ZBTB20: variants seen among roughly 807,000 people sequenced by gnomAD.
The protein encoded by ZBTB20 is zinc finger and BTB domain containing 20.
Under a neutral mutation model 56.9 loss-of-function variants are expected in ZBTB20, and 9 were observed. The observed-to-expected ratio is 0.16, with a 90% CI of 0.10 to 0.28. The LOEUF (loss-of-function observed/expected upper bound fraction) is 0.28. ZBTB20 is among the 10% of genes least tolerant of loss of function. ZBTB20 has a pLI of 1.00. For synonymous variants in ZBTB20, 417 were observed against 420.7 expected (o/e 0.99, Z 0.11); for missense variants, 655 against 1,003.0 (o/e 0.65, Z 4.69).
In ZBTB20 at chr3:115,054,964, T is replaced by A. The variant is rs577793040; in HGVS notation, c.-507+16255A>T. ...TAATCCATGTAGAAGGTCTTCAACC[T>A]CAGGTCTGAGTTCTTATAGAAATCA... On this transcript the variant is annotated intron_variant, in intron 2 of 11. Transcript: ENST00000675478. Among the ~76,000 whole-genome samples the A allele has an allele frequency of 3.9e-5, 6 of 152,226 alleles. No individual in the cohort carries two copies. The South Asian group carries it at 1.2e-3, about 32-fold the overall frequency.
At chr3:114,689,612 C>T (rs2062576089) in intron 6 of ZBTB20, among the ~76,000 whole-genome samples, 1 of 150,330 alleles carries the variant, frequency 6.7e-6, no homozygotes. Flanking sequence ...CGTACATACA[C>T]CAAGAAGCAA....
At chr3:115,123,284 C>T (rs941891772) in intron 1 of ZBTB20, among the ~76,000 whole-genome samples, 2 of 152,090 alleles carry the variant, frequency 1.3e-5, no homozygotes, top group Non-Finnish European at 2.9e-5. Flanking sequence ...TTCCCTATAC[C>T]ATTTTCCCTT....
chr3:114,617,283 T>C (rs1318549883), intron 6 of ZBTB20, among the ~76,000 whole-genome samples: 2 of 152,334 alleles, frequency 1.3e-5, no homozygotes, highest in Middle Eastern at 3.4e-3. Context: ...ACATAAGTGA[T>C]AGTGTTCCCC....
intron 6 of ZBTB20, among the ~76,000 whole-genome samples, chr3:114,644,161 T>G (rs2059710624): frequency 6.6e-6 from 1 of 151,932 alleles, no homozygotes; most frequent in African/African-American, 2.4e-5. Context: ...AGATTAAAAA[T>G]GAGAAATTTT....
chr3:114,845,006 G>C lies in ZBTB20; in HGVS notation c.-416-43832C>G, dbSNP rs187542365. 4.0e-3 allele frequency among the ~76,000 whole-genome samples: 606 copies of C among 151,602 alleles called. 3 individuals are homozygous for C. The highest frequency in any genetic ancestry group is 0.014 in the African/African-American group (572 of 41,364). ...TATTCTTTGCAAATATTTTCTTACA[G>C]TCTGTGGCTTACCTTTTCATTTTCT... On this transcript the variant is annotated intron_variant, in intron 4 of 11. Transcript: ENST00000675478.
At chr3:114,520,261 C>T (rs1234762575) in intron 6 of ZBTB20, 2 of 152,006 alleles carry the variant, frequency 1.3e-5, no homozygotes, top group African/African-American at 4.8e-5. Context: ...ATATGATGTA[C>T]CCCCCACACA....
intron 1 of ZBTB20, among the ~76,000 whole-genome samples, chr3:115,091,428 T>C (rs1023055491): frequency 7.9e-5 from 12 of 152,042 alleles, no homozygotes; most frequent in Admixed American, 7.2e-4. Context: ...TTAAGTATGT[T>C]ACCCCAAATA....
At chr3:114,960,811 A>G (rs557492590) in intron 3 of ZBTB20, among the ~76,000 whole-genome samples, 1 of 152,260 alleles carries the variant, frequency 6.6e-6, no homozygotes, top group East Asian at 1.9e-4. Flanking sequence ...AATGCCTGCA[A>G]AGGACATAGT....
Position 114,332,083 on chromosome 3 carries a change from T to C in ZBTB20, c.*6922A>G, listed in dbSNP as rs945606776. On this transcript the variant is annotated 3_prime_UTR_variant, in exon 12 of 12. Coordinates refer to ENST00000675478, the MANE Select transcript of ZBTB20 (RefSeq NM_001348800.3). ...GTTTTTTTTTTTTTTTTTTTTTTTTTCTCTCTTGGATGTATCAAAATCTCA... is the reference window on the plus strand; with the variant it reads ...GTTTTTTTTTTTTTTTTTTTTTTTTCCTCTCTTGGATGTATCAAAATCTCA... 5 of 117,470 alleles carry C rather than the reference T, an allele frequency of 4.3e-5. No individual in the cohort carries two copies. Among genetic ancestry groups the C allele is most frequent in the East Asian group, 2.1e-4 (1 of 4,728 alleles). The allele number at this position is 117,470 out of a possible 1,614,324, so 7.3% of individuals were successfully genotyped here.
intron 2 of ZBTB20, among the ~76,000 whole-genome samples, chr3:115,007,714 T>C (rs1375671875): frequency 6.6e-6 from 1 of 151,918 alleles, no homozygotes; most frequent in African/African-American, 2.4e-5. Context: ...TTTTACTTCT[T>C]TACCCCTCAT....
intron 6 of ZBTB20, among the ~76,000 whole-genome samples, chr3:114,602,306 A>C (rs2056822347): frequency 6.6e-6 from 1 of 152,016 alleles, no homozygotes; most frequent in Admixed American, 6.6e-5. Context: ...TTTGATTTTG[A>C]ATAAAGCCAA....
chr3:114,987,792 C>A (rs1041188379), intron 2 of ZBTB20, among the ~76,000 whole-genome samples: 1 of 152,200 alleles, frequency 6.6e-6, no homozygotes, highest in Non-Finnish European at 1.5e-5. Context: ...TAAGTGCAAA[C>A]CCTTCAACAT....
At chr3:114,845,377 C>G (rs2074646605) in intron 4 of ZBTB20, among the ~76,000 whole-genome samples, 1 of 147,894 alleles carries the variant, frequency 6.8e-6, no homozygotes, top group Admixed American at 6.9e-5. Context: ...ATACAAGGAC[C>G]CAAATTTATT....
chr3:114,508,173 G>A (rs1358712840), intron 6 of ZBTB20, among the ~76,000 whole-genome samples: 5 of 152,090 alleles, frequency 3.3e-5, no homozygotes, highest in Non-Finnish European at 5.9e-5. Flanking sequence ...AAAGACAACA[G>A]GAGAACCACT....
chr3:114,878,973 G>C (rs978519972), intron 4 of ZBTB20, among the ~76,000 whole-genome samples: 1 of 152,176 alleles, frequency 6.6e-6, no homozygotes, highest in African/African-American at 2.4e-5. Flanking sequence ...TATAAAGCCA[G>C]GTACGAATTG....
intron 3 of ZBTB20, among the ~76,000 whole-genome samples, chr3:114,913,249 T>C (rs2075614703): frequency 6.6e-6 from 1 of 152,054 alleles, no homozygotes. Flanking sequence ...CCACCCATTA[T>C]TGCTTGTCTT....
chr3:114,792,874 TTC>T (rs2071066534), intron 5 of ZBTB20, among the ~76,000 whole-genome samples: 1 of 86,790 alleles, frequency 1.2e-5, no homozygotes, highest in South Asian at 5.7e-4. Flanking sequence ...CTTTTTCTTT[TTC>T]TTTTTTTTTT....
intron 6 of ZBTB20, among the ~76,000 whole-genome samples, chr3:114,578,858 T>C (rs149795584): frequency 1.5e-4 from 23 of 151,848 alleles, no homozygotes; most frequent in Admixed American, 4.6e-4. Flanking sequence ...ATGGTAGGCA[T>C]AGTAATATCT....
At chr3:114,735,482 C>T (rs761554747) in intron 5 of ZBTB20, among the ~76,000 whole-genome samples, 1 of 152,044 alleles carries the variant, frequency 6.6e-6, no homozygotes. Context: ...ATATGGGCCA[C>T]TATTCCTTCA....
Sources: allele counts gnomAD v4.1 joint callset (sites outside exome capture counted in the v4.1 genomes callset), GRCh38; gene constraint gnomAD v4.1.1; transcripts MANE v1.5; gene names NCBI Gene and HGNC (gene_info 2026-07-23, HGNC 2026-07-21).